Variants in PPP1R9A observed in about 807,000 individuals in gnomAD.
The protein encoded by PPP1R9A is neurabin-1.
Under a neutral mutation model 141.9 loss-of-function variants are expected in PPP1R9A, and 59 were observed. The observed-to-expected ratio is 0.42, with a 90% CI of 0.34 to 0.52. The LOEUF is 0.52. Ranked by LOEUF, PPP1R9A falls within the 20% of genes least tolerant of loss-of-function variation. The probability of loss-of-function intolerance (pLI) is 0.10; values close to 1 mark genes in which losing one functional copy is unlikely to be tolerated. For synonymous variants in PPP1R9A, 500 were observed against 569.7 expected (o/e 0.88, Z 1.74); for missense variants, 1,444 against 1,611.9 (o/e 0.90, Z 1.78).
Position 95,111,156 on chromosome 7 carries a change from T to C in PPP1R9A, c.1396-103T>C, listed in dbSNP as rs1304755086. 4.1e-6 allele frequency: 5 copies of C among 1,224,620 alleles called. No homozygotes were observed. In the African/African-American group the frequency reaches 7.6e-5, roughly 19 times the overall value. 75.9% of individuals were successfully genotyped at this position (1,224,620 alleles called of 1,614,324 possible). On this transcript the variant is annotated intron_variant, in intron 2 of 19. Coordinates refer to ENST00000433360, the MANE Select transcript of PPP1R9A (RefSeq NM_001166160.2). Reference sequence around the variant, plus strand: ...TGATTTTAAAGACAAAACAGTTGTTTAGAAGAAATTCATCACATGAATGTT... The same window carrying C: ...TGATTTTAAAGACAAAACAGTTGTTCAGAAGAAATTCATCACATGAATGTT...
intron 13 of PPP1R9A, 117 bp from the exon 14 acceptor site, chr7:95,269,090 C>A: frequency 1.0e-6 from 1 of 999,198 alleles, no homozygotes; most frequent in Non-Finnish European, 1.4e-6. Flanking sequence ...TGTAAATCAA[C>A]AAAAACTGGT....
intron 4 of PPP1R9A, among the ~76,000 whole-genome samples, chr7:95,122,142 C>T (rs1454614516): frequency 6.7e-6 from 1 of 149,144 alleles, no homozygotes; most frequent in Admixed American, 6.7e-5. Context: ...AGACCCAGAG[C>T]ACCATTTTTT....
chr7:95,194,179 A>C (rs1835903204), intron 5 of PPP1R9A, among the ~76,000 whole-genome samples: 1 of 152,018 alleles, frequency 6.6e-6, no homozygotes, highest in Non-Finnish European at 1.5e-5. Flanking sequence ...TAAGCTTCTG[A>C]ATTGCTTTGT....
intron 7 of PPP1R9A, among the ~76,000 whole-genome samples, chr7:95,215,201 A>G (rs554349858): frequency 5.1e-5 from 7 of 138,058 alleles, no homozygotes; most frequent in Admixed American, 1.7e-4. Context: ...ATTCCCACCT[A>G]TGAATGAGAA....
intron 4 of PPP1R9A, chr7:95,154,627 TAA>T (rs1829289340): frequency 6.6e-6 from 1 of 152,112 alleles, no homozygotes. Context: ...CTTAGCTCCT[TAA>T]AATTCAGAGA....
intron 2 of PPP1R9A, among the ~76,000 whole-genome samples, chr7:94,973,582 T>C (rs569234167): frequency 3.3e-5 from 5 of 152,238 alleles, no homozygotes; most frequent in African/African-American, 1.2e-4. Flanking sequence ...AGTAGATAAT[T>C]CATAGGGGAC....
At chr7:95,016,605 T>A (rs1805145539) in intron 2 of PPP1R9A, among the ~76,000 whole-genome samples, 1 of 152,156 alleles carries the variant, frequency 6.6e-6, no homozygotes, top group South Asian at 2.1e-4. Context: ...CTCATTATTA[T>A]TTTGGTAGAT....
intron 2 of PPP1R9A, among the ~76,000 whole-genome samples, chr7:95,052,032 G>T (rs373760651): frequency 6.6e-6 from 1 of 151,846 alleles, no homozygotes. Context: ...TAGAGATGGG[G>T]TTTCGCCGAG....
At chr7:95,203,965 A>G (rs967565760) in intron 7 of PPP1R9A, among the ~76,000 whole-genome samples, 2 of 152,186 alleles carry the variant, frequency 1.3e-5, no homozygotes, top group Non-Finnish European at 2.9e-5. Flanking sequence ...ATATTTAGCC[A>G]TGGATATTTT....
intron 2 of PPP1R9A, among the ~76,000 whole-genome samples, chr7:95,085,375 T>C (rs777496616): frequency 1.3e-4 from 20 of 151,090 alleles, no homozygotes; most frequent in Admixed American, 5.9e-4. Flanking sequence ...GCTAGGATTA[T>C]AGGCATGAGC....
chr7:95,230,917 A>T (rs1795831312), intron 8 of PPP1R9A, among the ~76,000 whole-genome samples: 1 of 152,192 alleles, frequency 6.6e-6, no homozygotes, highest in South Asian at 2.1e-4. Flanking sequence ...CAATACTAAC[A>T]TTGAATGTAA....
chr7:94,962,457 G>A (rs1221185879), intron 2 of PPP1R9A, among the ~76,000 whole-genome samples: 1 of 151,674 alleles, frequency 6.6e-6, no homozygotes, highest in African/African-American at 2.4e-5. Context: ...ATATTCAAGG[G>A]TTTTCCCCAT....
At chr7:95,138,224 G>A (rs1488882099) in intron 4 of PPP1R9A, among the ~76,000 whole-genome samples, 3 of 152,130 alleles carry the variant, frequency 2.0e-5, no homozygotes, top group Non-Finnish European at 2.9e-5. Flanking sequence ...GAGCCACCGC[G>A]CCCGGCCAGC....
chr7:95,035,223 G>A (rs908190508), intron 2 of PPP1R9A, among the ~76,000 whole-genome samples: 15 of 152,076 alleles, frequency 9.9e-5, no homozygotes, highest in African/African-American at 3.4e-4. Flanking sequence ...GTTTAAGCCT[G>A]CTGAGCTTCA....
intron 5 of PPP1R9A, among the ~76,000 whole-genome samples, chr7:95,170,157 A>C (rs1831889489): frequency 6.6e-6 from 1 of 151,778 alleles, no homozygotes; most frequent in Non-Finnish European, 1.5e-5. Context: ...ATTTTAAGAC[A>C]TACTACAATA....
In PPP1R9A at chr7:95,086,020, T is replaced by A. The variant is rs994725196; in HGVS notation, c.1396-25239T>A. On this transcript the variant is annotated intron_variant, in intron 2 of 19. Coordinates refer to ENST00000433360, the MANE Select transcript of PPP1R9A (RefSeq NM_001166160.2). Reference sequence around the variant, plus strand: ...ATTTAATGTGTTTTTTTTCTTTTTTTAAATTTATTTTATTTTATGTAAGTA... The same window carrying A: ...ATTTAATGTGTTTTTTTTCTTTTTTAAAATTTATTTTATTTTATGTAAGTA... Among the ~76,000 whole-genome samples the A allele has an allele frequency of 8.6e-5, 13 of 152,024 alleles. No individual in the cohort carries two copies. The South Asian group carries it at 2.5e-3, about 29-fold the overall frequency.
intron 12 of PPP1R9A, among the ~76,000 whole-genome samples, chr7:95,259,916 T>A (rs768851979): frequency 4.9e-4 from 74 of 152,080 alleles, no homozygotes; most frequent in Non-Finnish European, 7.9e-4. Flanking sequence ...ATATATATAT[T>A]TTTTGCATAC....
At chr7:95,268,511 C>A in intron 12 of PPP1R9A, 39 bp from the exon 13 acceptor site, 1 of 1,608,278 alleles carries the variant, frequency 6.2e-7, no homozygotes, top group East Asian at 2.2e-5. Context: ...CAGTTCTCTC[C>A]AAAGGTTTCT....
At chr7:95,198,277 C>G in intron 5 of PPP1R9A, 72 bp from the exon 6 acceptor site, 1 of 1,426,488 alleles carries the variant, frequency 7.0e-7, no homozygotes, top group Admixed American at 2.5e-5. Context: ...TGAGATCAAA[C>G]CTGTTTACTT....
Sources: gnomAD v4.1 joint callset for allele counts (sites outside exome capture counted in the v4.1 genomes callset) on GRCh38, gnomAD v4.1.1 for gene constraint, MANE v1.5 for transcripts, NCBI Gene and HGNC (gene_info 2026-07-23, HGNC 2026-07-21) for gene names.